LARP1: variants seen among roughly 807,000 people sequenced by gnomAD.
The protein encoded by LARP1 is la-related protein 1.
A neutral mutation model predicts 122.7 loss-of-function variants in LARP1; 36 were observed. The ratio of observed to expected loss-of-function variants is 0.29; its 90% CI spans 0.22 to 0.39. The LOEUF (loss-of-function observed/expected upper bound fraction) is 0.39, where lower values mean the gene tolerates loss of function less well. LARP1 is among the 10% of genes least tolerant of loss of function. LARP1 has a pLI of 1.00. For missense variants in LARP1, 1,040 were observed against 1,403.6 expected (o/e 0.74, Z 4.14); for synonymous variants, 539 against 528.7 (o/e 1.02, Z -0.27).
At position 154,811,498 on chromosome 5, in the gene LARP1, T is replaced by G. The variant is rs777127520; in HGVS notation, c.2954-15T>G. 5 of 1,614,218 alleles carry G rather than the reference T, an allele frequency of 3.1e-6. No individual in the cohort carries two copies. The Admixed American group carries it at 8.3e-5, about 27-fold the overall frequency. Reference sequence around the variant, plus strand: ...TATCCTCACCAGCTCAGCTTTTCTGTACCTCTCCCTACAGGCCAACTGTAT... The same window carrying G: ...TATCCTCACCAGCTCAGCTTTTCTGGACCTCTCCCTACAGGCCAACTGTAT... On this transcript the variant is annotated splice_polypyrimidine_tract_variant and intron_variant, in intron 17 of 18. Coordinates refer to ENST00000518297, the MANE Select transcript of LARP1 (RefSeq NM_033551.3).
At chr5:154,685,168 C>A (rs544497420) in intron 1 of LARP1, among the ~76,000 whole-genome samples, 1 of 151,612 alleles carries the variant, frequency 6.6e-6, no homozygotes, top group Non-Finnish European at 1.5e-5. Context: ...CACTTGAACC[C>A]GGAGGGTGGA....
chr5:154,703,663 C>G (rs1049133390), intron 1 of LARP1, among the ~76,000 whole-genome samples: 18 of 152,166 alleles, frequency 1.2e-4, no homozygotes, highest in African/African-American at 4.3e-4. Flanking sequence ...CTCTGTCTCC[C>G]AGGCTGGAGT....
intron 1 of LARP1, among the ~76,000 whole-genome samples, chr5:154,740,957 G>A (rs1752846394): frequency 6.6e-6 from 1 of 152,190 alleles, no homozygotes; most frequent in Non-Finnish European, 1.5e-5. Context: ...GATTGAAAAT[G>A]TTTTCCCAGC....
chr5:154,733,783 G>A (rs919368889), intron 1 of LARP1, among the ~76,000 whole-genome samples: 2 of 152,016 alleles, frequency 1.3e-5, no homozygotes, highest in Non-Finnish European at 2.9e-5. Flanking sequence ...GGCTGGTGAG[G>A]AACTCTTGAC....
chr5:154,784,406 G>C (rs981640366), intron 1 of LARP1, among the ~76,000 whole-genome samples: 1 of 152,174 alleles, frequency 6.6e-6, no homozygotes, highest in Admixed American at 6.5e-5. Flanking sequence ...GTAGCAGATG[G>C]GTGAGTGTGA....
At chr5:154,739,570 A>AT (rs1303384174) in intron 1 of LARP1, among the ~76,000 whole-genome samples, 3 of 151,414 alleles carry the variant, frequency 2.0e-5, no homozygotes, top group Admixed American at 1.3e-4. Context: ...AAGACATTAA[A>AT]TTTTTTTTTG....
Position 154,814,153 on chromosome 5 carries a change from A to C in LARP1, c.*57A>C. 6.5e-7 allele frequency: 1 copy of C among 1,549,176 alleles called. No homozygotes were observed. The stretch of plus-strand genomic sequence containing the variant: ...AAAGGGGTAGGGTGGGTAAGAGTCC[A>C]TGGGGGTGCCCAGTCCCAGGAAAGG... On this transcript the variant is annotated 3_prime_UTR_variant, in exon 19 of 19. Transcript: ENST00000518297.
intron 1 of LARP1, among the ~76,000 whole-genome samples, chr5:154,704,005 G>C (rs921210342): frequency 6.6e-6 from 1 of 152,110 alleles, no homozygotes. Flanking sequence ...CAAGCACTGG[G>C]GATACAACAG....
intron 1 of LARP1, among the ~76,000 whole-genome samples, chr5:154,748,444 GA>G (rs1753314605): frequency 1.3e-5 from 2 of 152,120 alleles, no homozygotes; most frequent in South Asian, 4.1e-4. Context: ...AACCATAACT[GA>G]GTAGAGAAAA....
intron 1 of LARP1, among the ~76,000 whole-genome samples, chr5:154,730,071 G>C (rs1470024876): frequency 1.3e-5 from 2 of 152,134 alleles, no homozygotes; most frequent in Non-Finnish European, 2.9e-5. Flanking sequence ...CCTAAATTTT[G>C]GGGTAGTTTG....
intron 1 of LARP1, among the ~76,000 whole-genome samples, chr5:154,720,246 T>C (rs910506414): frequency 6.6e-6 from 1 of 152,110 alleles, no homozygotes; most frequent in African/African-American, 2.4e-5. Context: ...GATGGTATTT[T>C]TGAAAGATCT....
chr5:154,747,431 C>T (rs935991343), intron 1 of LARP1, among the ~76,000 whole-genome samples: 5 of 151,870 alleles, frequency 3.3e-5, no homozygotes, highest in African/African-American at 4.8e-5. Context: ...AGGCCAGGTG[C>T]GGTGGCTCAT....
chr5:154,811,183 C>A, intron 16 of LARP1, 64 bp from the exon 17 acceptor site: 1 of 1,176,846 alleles, frequency 8.5e-7, no homozygotes, highest in Non-Finnish European at 1.3e-6. Context: ...CTCTGTTATG[C>A]AGGCACATTT....
chr5:154,790,378 G>A lies in LARP1; in HGVS notation c.490G>A (p.Gly164Ser). 2 of 1,613,664 alleles carry A rather than the reference G, an allele frequency of 1.2e-6. No homozygotes were observed. The highest frequency in any genetic ancestry group is 1.7e-6 in the Non-Finnish European group (2 of 1,179,810). ...VRAAVPKQRK[G>S]SKVGDFGDAI... ...GGCAGCTGTTCCTAAACAGCGCAAA[G>A]GCAGCAAGGTAAAGAATAACAGTGG... Residue 164 changes from glycine (G) to serine (S), a missense_variant, in exon 2 of 19, where the codon GGC (glycine) becomes AGC (serine). Physicochemically the swap from Gly to Ser is moderately conservative, Grantham distance 56. This residue lies in a region of LARP1 where 257 missense variants were observed against 273.3 expected (regional missense o/e 0.94). Transcript: ENST00000518297.
intron 8 of LARP1, among the ~76,000 whole-genome samples, chr5:154,798,784 G>A (rs1339413347): frequency 1.3e-5 from 2 of 152,194 alleles, no homozygotes; most frequent in African/African-American, 2.4e-5. Context: ...GTGAGCCACT[G>A]TACCCAGCCT....
chr5:154,791,413 T>C (rs1757343217), intron 3 of LARP1, among the ~76,000 whole-genome samples: 2 of 152,076 alleles, frequency 1.3e-5, no homozygotes, highest in Admixed American at 1.3e-4. Context: ...GGTTTTACCA[T>C]GTTGGCCAGG....
chr5:154,786,445 T>A (rs185581113), intron 1 of LARP1: 144 of 456,172 alleles, frequency 3.2e-4, no homozygotes, highest in African/African-American at 2.6e-3. Context: ...TATGGTCCTC[T>A]GGGACAGAAG....
rs1170979714 is a variant in LARP1, at chr5:154,816,920, C to T, written c.*2824C>T. On this transcript the variant is annotated 3_prime_UTR_variant, in exon 19 of 19. Transcript: ENST00000518297. ...GGCACTACCAGTAGAGAAGGGCCAT[C>T]CAGCCGTGCCCCAGCCTGGACCCCT... The T allele has an allele frequency of 1.3e-5, 2 of 152,238 alleles. No homozygotes were observed. Among genetic ancestry groups the T allele is most frequent in the African/African-American group, 4.8e-5 (2 of 41,450 alleles). The allele number at this position is 152,238 out of a possible 1,614,324, so 9.4% of individuals were successfully genotyped here.
At chr5:154,750,868 C>T (rs1407825985), upstream of LARP1, among the ~76,000 whole-genome samples, 1 of 152,194 alleles carries the variant, frequency 6.6e-6, no homozygotes, top group Non-Finnish European at 1.5e-5. Flanking sequence ...CCACCTTGGC[C>T]TCCCAAAGTG....
Sources: gnomAD v4.1 joint callset for allele counts (sites outside exome capture counted in the v4.1 genomes callset) on GRCh38, gnomAD v4.1.1 for gene constraint, gnomAD v4.1.1 regional missense constraint, MANE v1.5 for transcripts, NCBI Gene and HGNC (gene_info 2026-07-23, HGNC 2026-07-21) for gene names.